Variants in ATP8A2 observed in about 807,000 individuals in gnomAD.
ATP8A2 encodes the protein ATPase phospholipid transporting 8A2, also known as phospholipid-transporting ATPase IB.
ATP8A2 carries 100 observed loss-of-function variants against 165.6 expected under a neutral mutation model. The ratio of observed to expected loss-of-function variants is 0.60; its 90% CI spans 0.51 to 0.71. ATP8A2 has a LOEUF of 0.71. ATP8A2 is among the 30% of genes least tolerant of loss of function. The probability of loss-of-function intolerance (pLI) is 0.00; values close to 1 mark genes in which losing one functional copy is unlikely to be tolerated. For synonymous variants in ATP8A2, 543 were observed against 548.8 expected, an observed-to-expected ratio of 0.99 and a Z score of 0.15; for missense variants, 1,227 against 1,479.5, an observed-to-expected ratio of 0.83 and a Z score of 2.80.
At chr13:25,577,949 G>C (rs966581311) in intron 20 of ATP8A2, among the ~76,000 whole-genome samples, 7 of 152,088 alleles carry the variant, frequency 4.6e-5, no homozygotes, top group African/African-American at 1.4e-4. Flanking sequence ...AATTCTAAAG[G>C]CATTATATTT....
At chr13:25,586,229 T>C (rs1342354020) in intron 23 of ATP8A2, among the ~76,000 whole-genome samples, 3 of 152,164 alleles carry the variant, frequency 2.0e-5, no homozygotes, top group Admixed American at 1.3e-4. Context: ...TGTTCATTTC[T>C]CAGAAGGAAC....
chr13:25,567,990 A>G (rs1314224978), intron 16 of ATP8A2, among the ~76,000 whole-genome samples: 1 of 152,214 alleles, frequency 6.6e-6, no homozygotes, highest in Non-Finnish European at 1.5e-5. Flanking sequence ...TCTCATCTAA[A>G]TTGTCTTGGG....
rs116225745 is a variant in ATP8A2, at chr13:25,583,521, G to A, written c.2146+1564G>A. On this transcript the variant is annotated intron_variant, in intron 23 of 36. Coordinates refer to ENST00000381655, the MANE Select transcript of ATP8A2 (RefSeq NM_016529.6). Reference sequence around the variant, plus strand: ...CTGAACTACCTTCAGTGTGTTCTTGGATGTGCCCTGGCTGGAAAAGCACCA... The same window carrying A: ...CTGAACTACCTTCAGTGTGTTCTTGAATGTGCCCTGGCTGGAAAAGCACCA... 7.0e-3 allele frequency among the ~76,000 whole-genome samples: 1,071 copies of A among 152,170 alleles called. 16 individuals carry two copies. The highest frequency in any genetic ancestry group is 0.025 in the African/African-American group (1,036 of 41,502).
chr13:25,484,884 G>A (rs140216439), intron 2 of ATP8A2, among the ~76,000 whole-genome samples: 39 of 152,300 alleles, frequency 2.6e-4, no homozygotes, highest in African/African-American at 8.7e-4. Flanking sequence ...AAAGGTGGAA[G>A]TTTTGAAAGT....
chr13:25,953,553 G>GCAACAACAAAAAA lies in ATP8A2; in HGVS notation c.3184-8022_3184-8021insCAACAACAAAAAA, dbSNP rs1566299833. On this transcript the variant is annotated intron_variant, in intron 33 of 36. Coordinates refer to ENST00000381655, the MANE Select transcript of ATP8A2 (RefSeq NM_016529.6). This position sits in a 1 kb window ranked among gnomAD's most constrained non-coding sequence, Gnocchi z 6.7. The stretch of plus-strand genomic sequence containing the variant: ...AAAAAAAAAAAAAAAAAAAGCAAGG[G>GCAACAACAAAAAA]AAATAGGCAAGACGGCCAAATAGGA... Among the ~76,000 whole-genome samples the GCAACAACAAAAAA allele has an allele frequency of 2.2e-5, 3 of 139,046 alleles. No homozygotes were observed. Among genetic ancestry groups the GCAACAACAAAAAA allele is most frequent in the African/African-American group, 8.3e-5 (3 of 35,978 alleles). 91.2% of individuals were successfully genotyped at this position (139,046 alleles called of 152,430 possible). A position where few individuals can be genotyped will look rare whatever the true frequency, so the allele number is the denominator to read the frequency against.
In ATP8A2 at chr13:25,390,946, C is replaced by CT. The variant is rs1369667993; in HGVS notation, c.76+18659dup. ...TCTCAAAAAAAAAAAAAAAATTCAT[C>CT]TATGTTGCCACATATCTCAGTGGTT... On this transcript the variant is annotated intron_variant, in intron 1 of 36. Transcript: ENST00000381655. 4.0e-5 allele frequency among the ~76,000 whole-genome samples: 6 copies of CT among 151,866 alleles called. No homozygotes were observed. In the East Asian group the frequency reaches 1.2e-3, roughly 29 times the overall value.
intron 1 of ATP8A2, among the ~76,000 whole-genome samples, chr13:25,431,236 G>A (rs1335328186): frequency 6.6e-6 from 1 of 151,902 alleles, no homozygotes; most frequent in African/African-American, 2.4e-5. Context: ...CGCAACCTCC[G>A]CCTCCCAGAT....
chr13:25,555,425 G>A (rs532895645), intron 13 of ATP8A2, among the ~76,000 whole-genome samples: 9 of 152,178 alleles, frequency 5.9e-5, no homozygotes, highest in South Asian at 2.1e-4. Context: ...CCTACAAAAC[G>A]TGTGGGGGCC....
At chr13:25,612,028 C>G (rs2138441275) in intron 24 of ATP8A2, among the ~76,000 whole-genome samples, 1 of 152,184 alleles carries the variant, frequency 6.6e-6, no homozygotes, top group Non-Finnish European at 1.5e-5. Context: ...ATTCTCTCTT[C>G]TTTTCTTGGT....
intron 24 of ATP8A2, among the ~76,000 whole-genome samples, chr13:25,607,475 A>G (rs968187578): frequency 3.3e-5 from 5 of 152,310 alleles, no homozygotes; most frequent in Non-Finnish European, 7.3e-5. Context: ...AATAACGTTT[A>G]GTACTCTGAT....
intron 24 of ATP8A2, among the ~76,000 whole-genome samples, chr13:25,665,048 C>T (rs539202764): frequency 1.3e-5 from 2 of 151,630 alleles, no homozygotes; most frequent in African/African-American, 4.8e-5. Flanking sequence ...GTGAATCCTT[C>T]CAGAGCCCAG....
chr13:25,440,761 C>A lies in ATP8A2; in HGVS notation c.77-28216C>A, dbSNP rs190226678. Among the ~76,000 whole-genome samples the A allele has an allele frequency of 2.8e-3, 421 of 152,238 alleles. 2 individuals are homozygous for A. Among genetic ancestry groups the A allele is most frequent in the Non-Finnish European group, 4.7e-3 (317 of 68,020 alleles). On this transcript the variant is annotated intron_variant, in intron 1 of 36. Transcript: ENST00000381655. Reference sequence around the variant, plus strand: ...ACCTGTAGCTAACAATTTTTCAATCCGATGCCTTCTAGGTATGGATTATAG... The same window carrying A: ...ACCTGTAGCTAACAATTTTTCAATCAGATGCCTTCTAGGTATGGATTATAG...
At chr13:25,468,250 C>T (rs2035725493) in intron 1 of ATP8A2, among the ~76,000 whole-genome samples, 1 of 152,132 alleles carries the variant, frequency 6.6e-6, no homozygotes, top group Non-Finnish European at 1.5e-5. Context: ...GCCACGTAAC[C>T]ACAGAAACAG....
At chr13:25,774,740 T>G (rs1302095383) in intron 26 of ATP8A2, 109 bp from the exon 27 acceptor site, 5 of 609,086 alleles carry the variant, frequency 8.2e-6, no homozygotes, top group Non-Finnish European at 1.1e-5. Flanking sequence ...CTGCGGAATC[T>G]GGTTTCCTCT....
chr13:25,405,835 G>A (rs1038604032), intron 1 of ATP8A2, among the ~76,000 whole-genome samples: 2 of 152,172 alleles, frequency 1.3e-5, no homozygotes, highest in African/African-American at 2.4e-5. Flanking sequence ...GGAACATTCT[G>A]GGGGAAATGG....
chr13:25,374,847 G>A (rs935592703), intron 1 of ATP8A2, among the ~76,000 whole-genome samples: 7 of 152,148 alleles, frequency 4.6e-5, no homozygotes, highest in Admixed American at 4.6e-4. Context: ...ACTAAACAAA[G>A]ATGTGTGATT....
chr13:25,885,741 G>A (rs775425494), intron 33 of ATP8A2, among the ~76,000 whole-genome samples: 1 of 152,218 alleles, frequency 6.6e-6, no homozygotes, highest in South Asian at 2.1e-4. Context: ...TTCAATCAGA[G>A]CAGGGTATTT....
chr13:25,948,318 A>G (rs563607181), intron 33 of ATP8A2, among the ~76,000 whole-genome samples: 41 of 152,222 alleles, frequency 2.7e-4, no homozygotes, highest in African/African-American at 9.4e-4. Context: ...GTTATAATCG[A>G]TAGTGTAAAA....
intron 24 of ATP8A2, among the ~76,000 whole-genome samples, chr13:25,634,970 A>G (rs888434475): frequency 3.9e-5 from 6 of 152,144 alleles, no homozygotes; most frequent in Non-Finnish European, 8.8e-5. Flanking sequence ...AAGCTGCAAA[A>G]TATCTCCTGA....
Sources: allele counts gnomAD v4.1 joint callset (sites outside exome capture counted in the v4.1 genomes callset), GRCh38; gene constraint gnomAD v4.1.1; non-coding constraint Gnocchi (gnomAD v3.1); transcripts MANE v1.5; gene names NCBI Gene and HGNC (gene_info 2026-07-23, HGNC 2026-07-21).